CSGALNACT1: variants seen among roughly 807,000 people sequenced by gnomAD.
CSGALNACT1 encodes the protein beta4GalNAcT-1.
In CSGALNACT1, 52 loss-of-function variants were observed where a neutral mutation model predicts 51.0. The ratio of observed to expected loss-of-function variants is 1.02; its 90% confidence interval spans 0.82 to 1.29. The LOEUF is 1.29. Ranked by LOEUF, CSGALNACT1 falls within the 50% of genes most tolerant of loss-of-function variation. The pLI is 0.00. For synonymous variants in CSGALNACT1, 341 were observed against 254.4 expected, an observed-to-expected ratio of 1.34 and a Z score of -3.24; for missense variants, 935 against 679.2, an observed-to-expected ratio of 1.38 and a Z score of -4.19.
intron 3 of CSGALNACT1, among the ~76,000 whole-genome samples, chr8:19,551,296 T>C (rs968217450): frequency 2.1e-4 from 32 of 152,096 alleles, no homozygotes; most frequent in African/African-American, 7.5e-4. Flanking sequence ...AGCCGGAAAC[T>C]CCACCTTCAG....
rs1486793046 is a variant in CSGALNACT1 at position 19,648,956 on chromosome 8, T to A, written c.-544+33517A>T. 2.0e-5 allele frequency among the ~76,000 whole-genome samples: 3 copies of A among 152,160 alleles called. No homozygotes were observed. In the East Asian group the frequency reaches 5.8e-4, roughly 29 times the overall value. ...ATCAGACTCTACAGTGTTGAAGATC[T>A]CATATGGGTAGGTGTAAAAAAGCAA... is the stretch of plus-strand genomic sequence containing the variant. On this transcript the variant is annotated intron_variant, in intron 1 of 9. Transcript: ENST00000332246.
At chr8:19,456,727 G>A (rs1034325484) in intron 5 of CSGALNACT1, among the ~76,000 whole-genome samples, 5 of 152,128 alleles carry the variant, frequency 3.3e-5, no homozygotes, top group Non-Finnish European at 7.4e-5. Flanking sequence ...CTACAAACTG[G>A]GAAAAGATCA....
chr8:19,651,391 GTTTT>G (rs1409975465), intron 1 of CSGALNACT1, among the ~76,000 whole-genome samples: 1 of 152,128 alleles, frequency 6.6e-6, no homozygotes, highest in South Asian at 2.1e-4. Flanking sequence ...GCACCCAATA[GTTTT>G]TTTATCTTCA....
rs538237972 is a variant in CSGALNACT1 at position 19,656,601 on chromosome 8, C to A, written c.-544+25872G>T. On this transcript the variant is annotated intron_variant, in intron 1 of 9. Transcript: ENST00000332246. ...ACCAGGAGAAACTACGCCCCCCCCCCACACACACACACGAGATCAGCAAAG... is the reference window on the plus strand; with the variant it reads ...ACCAGGAGAAACTACGCCCCCCCCCAACACACACACACGAGATCAGCAAAG... 4.8e-3 allele frequency among the ~76,000 whole-genome samples: 271 copies of A among 56,492 alleles called. 3 individuals are homozygous for A. The highest frequency in any genetic ancestry group is 0.014 in the African/African-American group (254 of 17,942). The allele number at this position is 56,492 out of a possible 152,430, so 37.1% of individuals were successfully genotyped here.
chr8:19,573,346 G>C (rs1163694360), intron 3 of CSGALNACT1, among the ~76,000 whole-genome samples: 1 of 152,214 alleles, frequency 6.6e-6, no homozygotes, highest in Non-Finnish European at 1.5e-5. Context: ...GCAGTGGGCG[G>C]GTGGCCTTCC....
At chr8:19,599,525 A>AAAGAAAGAAAGAAAGAAAGAAAGG (rs1322348108) in intron 2 of CSGALNACT1, among the ~76,000 whole-genome samples, 1 of 105,694 alleles carries the variant, frequency 9.5e-6, no homozygotes, top group Admixed American at 9.5e-5. Context: ...AGAAAGAAAG[A>AAAGAAAGAAAGAAAGAAAGAAAGG]AAAGAAAGAA....
upstream of CSGALNACT1, among the ~76,000 whole-genome samples, chr8:19,684,145 A>G (rs2060831363): frequency 6.6e-6 from 1 of 151,894 alleles, no homozygotes; most frequent in African/African-American, 2.4e-5. Context: ...TAGCCCAGGC[A>G]ACAGAACTTG....
At position 19,667,040 on chromosome 8, in the gene CSGALNACT1, G is replaced by GAAAGA. The variant is rs1554795061; in HGVS notation, c.-544+15432_-544+15433insTCTTT. Among the ~76,000 whole-genome samples the GAAAGA allele has an allele frequency of 3.1e-4, 11 of 34,970 alleles. No individual in the cohort carries two copies. The East Asian group carries it at 4.5e-3, about 14-fold the overall frequency. 22.9% of individuals were successfully genotyped at this position (34,970 alleles called of 152,430 possible). ...GAAAGGAAGGAAGGAAGGAAGGAAG[G>GAAAGA]AAGAAAGAAAGAAAGAAAGAAAGAA... On this transcript the variant is annotated intron_variant, in intron 1 of 9. Transcript: ENST00000332246.
chr8:19,627,924 A>ATAAAG (rs1186622971), intron 1 of CSGALNACT1, among the ~76,000 whole-genome samples: 7 of 152,226 alleles, frequency 4.6e-5, no homozygotes, highest in African/African-American at 1.7e-4. Context: ...CTTGGTCTTG[A>ATAAAG]TAAAGTACTA....
At chr8:19,738,469 C>A (rs1419803478) in intron 1 of CSGALNACT1, among the ~76,000 whole-genome samples, 1 of 151,898 alleles carries the variant, frequency 6.6e-6, no homozygotes, top group Non-Finnish European at 1.5e-5. Flanking sequence ...TTGTCAGGGG[C>A]TGGAGGATGA....
At chr8:19,656,357 T>C (rs575498784) in intron 1 of CSGALNACT1, among the ~76,000 whole-genome samples, 4 of 152,148 alleles carry the variant, frequency 2.6e-5, no homozygotes, top group Non-Finnish European at 5.9e-5. Context: ...TCACCATTTT[T>C]ATATGGCCTG....
intron 4 of CSGALNACT1, among the ~76,000 whole-genome samples, chr8:19,494,086 A>G (rs1233323224): frequency 6.6e-6 from 1 of 152,172 alleles, no homozygotes; most frequent in Non-Finnish European, 1.5e-5. Context: ...AATAACCTAC[A>G]CTTAGGTAGC....
rs575997422 is a variant in CSGALNACT1 at position 19,480,563 on chromosome 8, T to G, written c.635-21921A>C. On this transcript the variant is annotated intron_variant, in intron 4 of 9. Transcript: ENST00000454498. ...TCCATGTCTTCGCTGTTGTGAGTAG[T>G]GCTGCAATGAACATATGGGTGCCTG... Among the ~76,000 whole-genome samples, 5 of 152,302 alleles carry G rather than the reference T, an allele frequency of 3.3e-5. No homozygotes were observed. In the East Asian group the frequency reaches 7.7e-4, roughly 24 times the overall value.
At chr8:19,647,444 A>G (rs1210997022) in intron 1 of CSGALNACT1, among the ~76,000 whole-genome samples, 1 of 152,194 alleles carries the variant, frequency 6.6e-6, no homozygotes, top group Non-Finnish European at 1.5e-5. Flanking sequence ...ATAAAAAATA[A>G]AAGTGGCCAT....
intron 3 of CSGALNACT1, among the ~76,000 whole-genome samples, chr8:19,507,386 A>C (rs1265332243): frequency 2.6e-5 from 4 of 152,018 alleles, no homozygotes; most frequent in Non-Finnish European, 4.4e-5. Context: ...ATGAGAAGCC[A>C]GTCTGCCTGC....
chr8:19,753,406 A>G (rs1185309615), intron 1 of CSGALNACT1, among the ~76,000 whole-genome samples: 1 of 152,182 alleles, frequency 6.6e-6, no homozygotes, highest in African/African-American at 2.4e-5. Context: ...AAATATCAGA[A>G]TTGGATGTCT....
intron 3 of CSGALNACT1, among the ~76,000 whole-genome samples, chr8:19,580,585 T>C (rs1438971284): frequency 2.6e-5 from 4 of 152,190 alleles, no homozygotes; most frequent in Admixed American, 6.5e-5. Context: ...CTTGGAGGAA[T>C]AGAACAGCAT....
chr8:19,458,394 G>C lies in CSGALNACT1; in HGVS notation c.851+32C>G, dbSNP rs552313096. 2.6e-6 allele frequency: 4 copies of C among 1,520,678 alleles called. No individual in the cohort carries two copies. The South Asian group carries it at 4.5e-5, about 17-fold the overall frequency. 94.2% of individuals were successfully genotyped at this position (1,520,678 alleles called of 1,614,324 possible). ...ATCAGTGTTCTAACACACATCATGC[G>C]GAGGAAGATAAACACGTGCGAACAA... On this transcript the variant is annotated intron_variant, in intron 5 of 9. Transcript: ENST00000454498.
chr8:19,636,964 C>G (rs1045058784), intron 1 of CSGALNACT1, among the ~76,000 whole-genome samples: 1 of 151,604 alleles, frequency 6.6e-6, no homozygotes, highest in East Asian at 1.9e-4. Context: ...CCAAGGAAGG[C>G]AGATCACCTG....
Sources: gnomAD v4.1 joint callset for allele counts (sites outside exome capture counted in the v4.1 genomes callset) on GRCh38, gnomAD v4.1.1 for gene constraint, MANE v1.5 for transcripts, NCBI Gene and HGNC (gene_info 2026-07-23, HGNC 2026-07-21) for gene names.